RERG: variants seen among roughly 807,000 people sequenced by gnomAD.
RERG encodes the protein RAS like estrogen regulated growth inhibitor.
Under a neutral mutation model 23.2 loss-of-function variants are expected in RERG, and 25 were observed. That is an observed-to-expected ratio of 1.08 (90% CI 0.79 to 1.50). The LOEUF (loss-of-function observed/expected upper bound fraction) is 1.50. Ranked by LOEUF, RERG falls within the 40% of genes most tolerant of loss-of-function variation. RERG has a pLI of 0.00. For synonymous variants in RERG, 81 were observed against 89.1 expected, an observed-to-expected ratio of 0.91 and a Z score of 0.51; for missense variants, 253 against 250.1, an observed-to-expected ratio of 1.01 and a Z score of -0.08.
intron 4 of RERG, among the ~76,000 whole-genome samples, chr12:15,109,811 A>G (rs1169163389): frequency 2.6e-5 from 4 of 152,178 alleles, no homozygotes; most frequent in Admixed American, 2.0e-4. Flanking sequence ...CTAAAAAGAA[A>G]TTATAATCTT....
chr12:15,166,979 C>A (rs181774006), intron 2 of RERG, among the ~76,000 whole-genome samples: 65 of 152,074 alleles, frequency 4.3e-4, no homozygotes, highest in Middle Eastern at 6.8e-3. Context: ...GCTATATGTT[C>A]ATGTGCTTTC....
intron 3 of RERG, among the ~76,000 whole-genome samples, chr12:15,117,308 C>T (rs1328610842): frequency 6.6e-6 from 1 of 152,144 alleles, no homozygotes; most frequent in African/African-American, 2.4e-5. Context: ...AAATTTACTT[C>T]TTGGTACCTG....
chr12:15,174,283 C>T (rs1864816106), intron 2 of RERG, among the ~76,000 whole-genome samples: 1 of 151,986 alleles, frequency 6.6e-6, no homozygotes, highest in Admixed American at 6.6e-5. Flanking sequence ...ATATGTTATC[C>T]ACTGCCTTCT....
intron 2 of RERG, among the ~76,000 whole-genome samples, chr12:15,185,566 C>T (rs1008585098): frequency 1.3e-5 from 2 of 152,086 alleles, no homozygotes; most frequent in Non-Finnish European, 2.9e-5. Flanking sequence ...CATTTTTTAG[C>T]AACAGTACGG....
intron 2 of RERG, among the ~76,000 whole-genome samples, chr12:15,193,101 C>T (rs894308678): frequency 2.4e-4 from 36 of 152,100 alleles, no homozygotes; most frequent in African/African-American, 8.0e-4. Context: ...TTTCTACCCA[C>T]TAAATCTATT....
chr12:15,110,583 G>A (rs1322995722), intron 4 of RERG, among the ~76,000 whole-genome samples: 5 of 144,202 alleles, frequency 3.5e-5, no homozygotes, highest in East Asian at 2.2e-4. Flanking sequence ...GGTTCACACC[G>A]TTCTCCTGCC....
At chr12:15,167,554 T>C (rs1185426028) in intron 2 of RERG, among the ~76,000 whole-genome samples, 1 of 152,186 alleles carries the variant, frequency 6.6e-6, no homozygotes, top group Non-Finnish European at 1.5e-5. Flanking sequence ...AAGCAATGTT[T>C]GGGAGAAACC....
intron 2 of RERG, among the ~76,000 whole-genome samples, chr12:15,183,048 T>G (rs1864944899): frequency 6.6e-6 from 1 of 151,972 alleles, no homozygotes; most frequent in African/African-American, 2.4e-5. Context: ...ACCACTGCAC[T>G]CCAGCCTGGG....
chr12:15,164,833 A>T (rs978837398), intron 2 of RERG, among the ~76,000 whole-genome samples: 2 of 152,198 alleles, frequency 1.3e-5, no homozygotes, highest in Admixed American at 1.3e-4. Context: ...TTAAAACAAA[A>T]TTTCCTTTGG....
intron 2 of RERG, among the ~76,000 whole-genome samples, chr12:15,147,165 C>G (rs1864348439): frequency 6.6e-6 from 1 of 152,096 alleles, no homozygotes; most frequent in Admixed American, 6.5e-5. Flanking sequence ...ATTCACCAAC[C>G]CCTAGTAAAC....
Position 15,217,056 on chromosome 12 carries a change from G to A in RERG, c.61+373C>T, listed in dbSNP as rs1824996689. ...TGCTTGACACTGGACTGTTTGCTGAGAATATCAAAATGAATGAGATGTAAA... is the reference window on the plus strand; with the variant it reads ...TGCTTGACACTGGACTGTTTGCTGAAAATATCAAAATGAATGAGATGTAAA... On this transcript the variant is annotated intron_variant, in intron 2 of 4. Transcript: ENST00000256953. 1.8e-5 allele frequency: 3 copies of A among 170,816 alleles called. No individual in the cohort carries two copies. The South Asian group carries it at 4.9e-4, about 28-fold the overall frequency. The allele number at this position is 170,816 out of a possible 1,614,324, so 10.6% of individuals were successfully genotyped here.
chr12:15,187,298 G>A (rs1319452027), intron 2 of RERG, among the ~76,000 whole-genome samples: 1 of 152,064 alleles, frequency 6.6e-6, no homozygotes, highest in African/African-American at 2.4e-5. Context: ...GTGCCCAAGA[G>A]TAAATGCAGT....
At chr12:15,117,669 A>ACACGCGCG (rs1324707992) in intron 3 of RERG, among the ~76,000 whole-genome samples, 1 of 48,480 alleles carries the variant, frequency 2.1e-5, no homozygotes, top group African/African-American at 8.4e-5. Context: ...CCTCCATCAC[A>ACACGCGCG]CACGCGCACA....
intron 2 of RERG, among the ~76,000 whole-genome samples, chr12:15,149,572 C>G (rs961220529): frequency 2.0e-5 from 3 of 152,070 alleles, no homozygotes; most frequent in Non-Finnish European, 4.4e-5. Context: ...GTGTTGCATA[C>G]TGGAGGGGAA....
At chr12:15,220,186 A>C (rs1865494339) in intron 1 of RERG, among the ~76,000 whole-genome samples, 1 of 152,226 alleles carries the variant, frequency 6.6e-6, no homozygotes, top group South Asian at 2.1e-4. Flanking sequence ...ACGTGGATCT[A>C]AGAAAATCCA....
At chr12:15,170,368 A>C (rs1864760421) in intron 2 of RERG, among the ~76,000 whole-genome samples, 1 of 152,082 alleles carries the variant, frequency 6.6e-6, no homozygotes, top group African/African-American at 2.4e-5. Context: ...GGGAGGACAG[A>C]GGGCATATAG....
At chr12:15,208,066 T>C (rs1865317166) in intron 2 of RERG, among the ~76,000 whole-genome samples, 1 of 152,148 alleles carries the variant, frequency 6.6e-6, no homozygotes, top group African/African-American at 2.4e-5. Context: ...ATAATATGGA[T>C]GGGCCTCATC....
At chr12:15,191,189 A>T (rs1865066200) in intron 2 of RERG, among the ~76,000 whole-genome samples, 1 of 152,144 alleles carries the variant, frequency 6.6e-6, no homozygotes. Flanking sequence ...TCAGACAATC[A>T]TATTTCAGTC....
intron 2 of RERG, among the ~76,000 whole-genome samples, chr12:15,166,562 T>TTGGTGGTGG (rs1277262863): frequency 6.7e-6 from 1 of 149,376 alleles, no homozygotes; most frequent in Admixed American, 6.7e-5. Context: ...GGTGGTGGTG[T>TTGGTGGTGG]TGGTGGTGGT....
Sources: allele counts gnomAD v4.1 joint callset (sites outside exome capture counted in the v4.1 genomes callset), GRCh38; gene constraint gnomAD v4.1.1; transcripts MANE v1.5; gene names NCBI Gene and HGNC (gene_info 2026-07-23, HGNC 2026-07-21).